MGAT4D: variants seen among roughly 807,000 people sequenced by gnomAD.
MGAT4D encodes alpha-1,3-mannosyl-glycoprotein 4-beta-N-acetylglucosaminyltransferase-like protein MGAT4D.
In MGAT4D, 34 loss-of-function variants were observed where a neutral mutation model predicts 15.9. That is an observed-to-expected ratio of 2.14 (90% CI 1.62 to 2.84). The LOEUF (loss-of-function observed/expected upper bound fraction) is 2.84, where lower values mean the gene tolerates loss of function less well. Ranked by LOEUF, MGAT4D falls within the 30% of genes most tolerant of loss-of-function variation. The pLI is 0.00. For missense variants in MGAT4D, 327 were observed against 140.2 expected, an observed-to-expected ratio of 2.33 and a Z score of -6.73; for synonymous variants, 112 against 48.2, an observed-to-expected ratio of 2.33 and a Z score of -5.49.
chr4:140,472,173 A>G (rs908870662), intron 4 of MGAT4D, among the ~76,000 whole-genome samples: 2 of 152,148 alleles, frequency 1.3e-5, no homozygotes, highest in Non-Finnish European at 2.9e-5. Flanking sequence ...GCTTATTTCA[A>G]ACAACTACTC....
At chr4:140,469,682 T>G (rs1731785900) in intron 5 of MGAT4D, among the ~76,000 whole-genome samples, 1 of 152,218 alleles carries the variant, frequency 6.6e-6, no homozygotes, top group Non-Finnish European at 1.5e-5. Context: ...CCAGATGGCT[T>G]CCTTTTTTTG....
chr4:140,476,707 G>A (rs1226752538), intron 3 of MGAT4D, among the ~76,000 whole-genome samples: 4 of 151,982 alleles, frequency 2.6e-5, no homozygotes, highest in Non-Finnish European at 5.9e-5. Context: ...CTTTGCACAC[G>A]CCATTCTTTT....
Position 140,490,444 on chromosome 4 carries a change from C to T in MGAT4D, c.94+7685G>A, listed in dbSNP as rs562340019. Among the ~76,000 whole-genome samples, 15 of 152,326 alleles carry T rather than the reference C, an allele frequency of 9.8e-5. No individual in the cohort carries two copies. In the South Asian group the frequency reaches 2.3e-3, roughly 23 times the overall value. On this transcript the variant is annotated intron_variant, in intron 1 of 10. Transcript: ENST00000511113. ...CTGAACGCTGGAACTCTTTCATATG[C>T]GATGGGTCTGTTGGCCCAGAAGATC...
intron 1 of MGAT4D, among the ~76,000 whole-genome samples, chr4:140,497,694 G>A (rs1202028535): frequency 6.6e-6 from 1 of 152,192 alleles, no homozygotes; most frequent in African/African-American, 2.4e-5. Context: ...AGCGGGGCCT[G>A]GTGATGTAAC....
At chr4:140,463,824 GGATATTTTAT>G (rs1731352726) in intron 6 of MGAT4D, among the ~76,000 whole-genome samples, 1 of 152,140 alleles carries the variant, frequency 6.6e-6, no homozygotes, top group Admixed American at 6.5e-5. Flanking sequence ...AGATCATGAA[GGATATTTTAT>G]GATATGTGGG....
intron 9 of MGAT4D, among the ~76,000 whole-genome samples, chr4:140,453,032 C>T (rs571206702): frequency 6.6e-6 from 1 of 152,140 alleles, no homozygotes; most frequent in Non-Finnish European, 1.5e-5. Context: ...GAATTGCATA[C>T]ACTTTGTAAA....
At chr4:140,457,744 C>T (rs1387435462) in intron 8 of MGAT4D, 1 of 152,176 alleles carries the variant, frequency 6.6e-6, no homozygotes, top group South Asian at 2.1e-4. Context: ...TCTTACTTGA[C>T]TTTGCTGAGA....
intron 6 of MGAT4D, among the ~76,000 whole-genome samples, chr4:140,462,310 G>C (rs2126732043): frequency 6.6e-6 from 1 of 152,042 alleles, no homozygotes; most frequent in East Asian, 1.9e-4. Context: ...TCTGATTTTA[G>C]GTCTTGTTCA....
At chr4:140,470,726 A>T (rs1714363437) in intron 5 of MGAT4D, among the ~76,000 whole-genome samples, 1 of 152,182 alleles carries the variant, frequency 6.6e-6, no homozygotes, top group Admixed American at 6.5e-5. Context: ...AAGAATGTCT[A>T]CTTATTCCTT....
intron 1 of MGAT4D, among the ~76,000 whole-genome samples, chr4:140,485,032 C>T (rs1219043467): frequency 1.3e-5 from 2 of 152,206 alleles, no homozygotes; most frequent in African/African-American, 2.4e-5. Context: ...ACCATTTGAC[C>T]CAGCCATCCC....
At chr4:140,485,713 G>A (rs1245642024) in intron 1 of MGAT4D, among the ~76,000 whole-genome samples, 1 of 147,516 alleles carries the variant, frequency 6.8e-6, no homozygotes, top group Admixed American at 6.9e-5. Flanking sequence ...GGGAGGTCAA[G>A]GTGAGAGGAC....
At chr4:140,454,788 C>T (rs1730692210) in intron 9 of MGAT4D, among the ~76,000 whole-genome samples, 1 of 152,226 alleles carries the variant, frequency 6.6e-6, no homozygotes, top group East Asian at 1.9e-4. Context: ...TAGGACTACT[C>T]AGATTACCAA....
chr4:140,456,914 AAGG>A (rs1730845117), intron 8 of MGAT4D, 195 bp from the exon 9 acceptor site: 1 of 320,614 alleles, frequency 3.1e-6, no homozygotes, highest in Non-Finnish European at 5.7e-6. Flanking sequence ...ACCACATCTG[AAGG>A]AGAATATAAG....
Position 140,456,651 on chromosome 4 carries a change from G to GT in MGAT4D, c.945dup (p.Pro316ThrfsTer8). 1.4e-6 allele frequency: 1 copy of GT among 697,386 alleles called. No homozygotes were observed. The highest frequency in any genetic ancestry group is 2.7e-5 in the East Asian group (1 of 36,952). The allele number at this position is 697,386 out of a possible 1,614,324, so 43.2% of individuals were successfully genotyped here. A position where few individuals can be genotyped will look rare whatever the true frequency, so the allele number is the denominator to read the frequency against. ...ATGTCATTCAAGAGCCAGTCTATGG[G>GT]TTTCTCTTTGTAGAACATTAAAAAA... On this transcript the variant is annotated frameshift_variant, in exon 9 of 11. Coordinates refer to ENST00000511113, the MANE Select transcript of MGAT4D (RefSeq NM_001277353.2). LOFTEE classifies it high-confidence loss of function.
At chr4:140,446,369 A>G (rs1730122304) in intron 10 of MGAT4D, among the ~76,000 whole-genome samples, 2 of 152,062 alleles carry the variant, frequency 1.3e-5, no homozygotes, top group African/African-American at 4.8e-5. Context: ...CTATTCAGGG[A>G]TTCACTTTCT....
chr4:140,475,905 G>A (rs748439291), intron 3 of MGAT4D, among the ~76,000 whole-genome samples: 3 of 145,794 alleles, frequency 2.1e-5, no homozygotes, highest in Non-Finnish European at 3.0e-5. Context: ...TCCACCTCCC[G>A]GGTTCAAGCT....
chr4:140,485,222 T>C (rs1300402616), intron 1 of MGAT4D, among the ~76,000 whole-genome samples: 2 of 152,132 alleles, frequency 1.3e-5, no homozygotes, highest in Non-Finnish European at 2.9e-5. Flanking sequence ...TATGCAGCCA[T>C]AAAAAATGAT....
intron 10 of MGAT4D, among the ~76,000 whole-genome samples, chr4:140,444,891 T>TG (rs1389863809): frequency 6.6e-6 from 1 of 151,800 alleles, no homozygotes; most frequent in Non-Finnish European, 1.5e-5. Context: ...TTTTGCCTTT[T>TG]TTTTTTTGAT....
At chr4:140,489,414 T>C (rs574446282) in intron 1 of MGAT4D, among the ~76,000 whole-genome samples, 6 of 152,200 alleles carry the variant, frequency 3.9e-5, no homozygotes, top group South Asian at 2.1e-4. Flanking sequence ...TAAAGGATAA[T>C]AATAAAAATG....
Sources: allele counts gnomAD v4.1 joint callset (sites outside exome capture counted in the v4.1 genomes callset), GRCh38; gene constraint gnomAD v4.1.1; transcripts MANE v1.5; gene names NCBI Gene and HGNC (gene_info 2026-07-23, HGNC 2026-07-21).